The following DNAH12 variants were observed in gnomAD, a reference collection of about 807,000 sequenced individuals.
DNAH12 encodes dynein axonemal heavy chain 12, also known as axonemal beta dynein heavy chain 12.
DNAH12 carries 285 observed loss-of-function variants against 371.5 expected under a neutral mutation model. That is an observed-to-expected ratio of 0.77 (90% CI 0.70 to 0.85). The LOEUF (loss-of-function observed/expected upper bound fraction) is 0.85, where lower values mean the gene tolerates loss of function less well. DNAH12 is among the 40% of genes least tolerant of loss of function. The pLI is 0.00. For synonymous variants in DNAH12, 1,200 were observed against 1,213.0 expected (o/e 0.99, Z 0.22); for missense variants, 3,611 against 3,689.4 (o/e 0.98, Z 0.55).
intron 7 of DNAH12, 49 bp downstream of exon 7, chr3:57,508,333 T>G (rs745698572): frequency 1.3e-6 from 2 of 1,490,368 alleles, no homozygotes; most frequent in Middle Eastern, 2.0e-4. Context: ...GTCAAAAATA[T>G]AGACTCAAGC....
intron 32 of DNAH12, 78 bp from the exon 33 acceptor site, chr3:57,429,852 A>T: frequency 8.6e-7 from 1 of 1,166,968 alleles, no homozygotes; most frequent in Non-Finnish European, 1.2e-6. Flanking sequence ...TATGTATAAA[A>T]TAAAGTAGCT....
intron 66 of DNAH12, among the ~76,000 whole-genome samples, chr3:57,311,824 C>CAG (rs1213882577): frequency 6.6e-6 from 1 of 152,232 alleles, no homozygotes; most frequent in Non-Finnish European, 1.5e-5. Context: ...AAATCACACA[C>CAG]TATGACACAG....
chr3:57,479,618 A>G (rs1176215995), intron 13 of DNAH12, among the ~76,000 whole-genome samples: 1 of 152,196 alleles, frequency 6.6e-6, no homozygotes, highest in Non-Finnish European at 1.5e-5. Context: ...CAGAATATAC[A>G]TTCTTCTCAG....
chr3:57,414,982 C>T (rs569028649), intron 38 of DNAH12, among the ~76,000 whole-genome samples: 1 of 152,216 alleles, frequency 6.6e-6, no homozygotes, highest in South Asian at 2.1e-4. Flanking sequence ...GATGCACTCA[C>T]ATGGTTCCTG....
intron 62 of DNAH12, among the ~76,000 whole-genome samples, chr3:57,334,092 A>G (rs934585933): frequency 6.6e-6 from 1 of 152,228 alleles, no homozygotes; most frequent in Non-Finnish European, 1.5e-5. Context: ...TAGACAATAC[A>G]AAAGAAGAAA....
intron 2 of DNAH12, among the ~76,000 whole-genome samples, chr3:57,532,862 G>A (rs756628646): frequency 1.3e-5 from 2 of 152,166 alleles, no homozygotes; most frequent in African/African-American, 2.4e-5. Flanking sequence ...ACTCAAAGCC[G>A]TAGGTCTCTA....
chr3:57,446,756 T>TA (rs1227744792), intron 25 of DNAH12, 67 bp from the exon 26 acceptor site: 1 of 1,360,958 alleles, frequency 7.3e-7, no homozygotes, highest in Non-Finnish European at 9.6e-7. Context: ...GACACTTGTT[T>TA]ACCAAATGGA....
intron 53 of DNAH12, among the ~76,000 whole-genome samples, chr3:57,376,558 G>A (rs1298613499): frequency 6.6e-6 from 1 of 152,134 alleles, no homozygotes; most frequent in African/African-American, 2.4e-5. Flanking sequence ...TCCAATCCAA[G>A]TAAATACATT....
At chr3:57,311,953 G>C (rs2061592350) in intron 66 of DNAH12, among the ~76,000 whole-genome samples, 1 of 152,130 alleles carries the variant, frequency 6.6e-6, no homozygotes, top group African/African-American at 2.4e-5. Flanking sequence ...ACTCTGCAGA[G>C]TAGGAAACAG....
chr3:57,402,915 T>G (rs533312598), intron 43 of DNAH12, among the ~76,000 whole-genome samples: 29 of 152,342 alleles, frequency 1.9e-4, no homozygotes, highest in Middle Eastern at 3.4e-3. Flanking sequence ...TGTATCAAAA[T>G]ATCACATGTA....
At chr3:57,478,291 A>G (rs1308885201) in intron 13 of DNAH12, among the ~76,000 whole-genome samples, 1 of 152,256 alleles carries the variant, frequency 6.6e-6, no homozygotes, top group African/African-American at 2.4e-5. Context: ...AAGCCTCAGT[A>G]GCCGATTCGA....
chr3:57,405,895 A>C lies in DNAH12; in HGVS notation c.6334T>G (p.Phe2112Val). ...LPTPTKSHYT[F>V]NLRDFSRVIR... is the part of the protein sequence containing the mutation. ...ACGCGTGAAAAATCACGCAAGTTGA[A>C]AGTATAATGGGATTTTGTGGGAGTG... The change falls in exon 41 of 74, where the codon TTC becomes GTC. Residue 2112 changes from phenylalanine to valine, a missense_variant. This residue lies in a region of DNAH12 where 2,266 missense variants were observed against 2,236.9 expected (regional missense o/e 1.01). Coordinates refer to ENST00000495027, the MANE Select transcript of DNAH12 (RefSeq NM_001366028.2). 1 of 1,551,196 alleles carries C rather than the reference A, an allele frequency of 6.4e-7. No homozygotes were observed. The highest frequency in any genetic ancestry group is 8.7e-7 in the Non-Finnish European group (1 of 1,146,546).
At chr3:57,479,411 A>G (rs1263744139) in intron 13 of DNAH12, among the ~76,000 whole-genome samples, 3 of 152,238 alleles carry the variant, frequency 2.0e-5, no homozygotes, top group African/African-American at 4.8e-5. Context: ...GAGCACCCAG[A>G]TTCACAAAGC....
intron 16 of DNAH12, among the ~76,000 whole-genome samples, chr3:57,469,558 T>C (rs901549909): frequency 6.6e-6 from 1 of 152,088 alleles, no homozygotes; most frequent in African/African-American, 2.4e-5. Context: ...CTATTCACAA[T>C]AGCAAAGACA....
chr3:57,535,050 A>G (rs368657671), intron 2 of DNAH12, among the ~76,000 whole-genome samples: 2 of 152,332 alleles, frequency 1.3e-5, no homozygotes, highest in South Asian at 2.1e-4. Flanking sequence ...CACTATTTCT[A>G]TCTCCATATT....
intron 13 of DNAH12, among the ~76,000 whole-genome samples, chr3:57,478,897 C>T (rs1314808905): frequency 1.3e-5 from 2 of 152,042 alleles, no homozygotes; most frequent in Non-Finnish European, 2.9e-5. Flanking sequence ...CACCACCAGG[C>T]CTGCCCTAAA....
chr3:57,554,214 G>A, the DNAH12 span, among the ~76,000 whole-genome samples: 2 of 131,068 alleles, frequency 1.5e-5, 1 homozygote, highest in Non-Finnish European at 3.1e-5. Context: ...TTGAACCCGG[G>A]AGGTGGAGGC....
At chr3:57,422,174 G>A (rs2064608020) in intron 35 of DNAH12, among the ~76,000 whole-genome samples, 1 of 151,656 alleles carries the variant, frequency 6.6e-6, no homozygotes, top group African/African-American at 2.4e-5. Context: ...CAGCCTCCTA[G>A]AGTGCTAGGA....
At chr3:57,479,570 C>T (rs564281241) in intron 13 of DNAH12, among the ~76,000 whole-genome samples, 1 of 152,150 alleles carries the variant, frequency 6.6e-6, no homozygotes, top group Non-Finnish European at 1.5e-5. Context: ...ACCAAGCGGA[C>T]CTAATAGGCA....
Sources: gnomAD v4.1 joint callset for allele counts (sites outside exome capture counted in the v4.1 genomes callset) on GRCh38, gnomAD v4.1.1 for gene constraint, gnomAD v4.1.1 regional missense constraint, MANE v1.5 for transcripts, NCBI Gene and HGNC (gene_info 2026-07-23, HGNC 2026-07-21) for gene names.